The following PDE9A variants were observed in gnomAD, a reference collection of about 807,000 sequenced individuals.
PDE9A encodes the protein high affinity cGMP-specific 3',5'-cyclic phosphodiesterase 9A.
PDE9A carries 60 observed loss-of-function variants against 87.4 expected under a neutral mutation model. The observed-to-expected ratio is 0.69, with a 90% confidence interval of 0.56 to 0.85. The LOEUF is 0.85. Among genes scored for constraint, PDE9A ranks in the 40% least tolerant of loss-of-function variants. PDE9A has a pLI of 0.00. For synonymous variants in PDE9A, 272 were observed against 279.4 expected, an observed-to-expected ratio of 0.97 and a Z score of 0.27; for missense variants, 665 against 779.0, an observed-to-expected ratio of 0.85 and a Z score of 1.74.
intron 4 of PDE9A, among the ~76,000 whole-genome samples, chr21:42,714,492 T>C (rs1019847520): frequency 2.0e-5 from 3 of 151,932 alleles, no homozygotes; most frequent in African/African-American, 7.3e-5. Flanking sequence ...TTCATATGGT[T>C]GGGGTTAGCT....
At chr21:42,686,722 G>A (rs2146182407) in intron 2 of PDE9A, among the ~76,000 whole-genome samples, 1 of 152,326 alleles carries the variant, frequency 6.6e-6, no homozygotes, top group East Asian at 1.9e-4. Flanking sequence ...GGCTGAGGCA[G>A]GAGAATGGCT....
intron 7 of PDE9A, among the ~76,000 whole-genome samples, chr21:42,735,260 C>T (rs1488302489): frequency 1.3e-5 from 2 of 152,216 alleles, no homozygotes; most frequent in Admixed American, 6.5e-5. Context: ...GGAGGCTCCA[C>T]AACCACTTAT....
intron 8 of PDE9A, among the ~76,000 whole-genome samples, chr21:42,746,232 T>A (rs1272085734): frequency 6.6e-6 from 1 of 152,162 alleles, no homozygotes; most frequent in Admixed American, 6.5e-5. Context: ...GCAGGTCAGG[T>A]TGAGGTTGCA....
At chr21:42,685,903 C>T (rs183869066) in intron 1 of PDE9A, among the ~76,000 whole-genome samples, 2 of 150,278 alleles carry the variant, frequency 1.3e-5, no homozygotes, top group East Asian at 3.9e-4. Context: ...TGGCCCCTTC[C>T]GAGGGATGCG....
chr21:42,670,008 A>G (rs2058302069), intron 1 of PDE9A, among the ~76,000 whole-genome samples: 2 of 152,136 alleles, frequency 1.3e-5, no homozygotes, highest in African/African-American at 4.8e-5. Context: ...CAACAGATGC[A>G]TGGCAATAAA....
chr21:42,714,031 T>TTTC (rs1217326073), intron 4 of PDE9A, among the ~76,000 whole-genome samples: 2 of 147,326 alleles, frequency 1.4e-5, no homozygotes, highest in Admixed American at 6.8e-5. Context: ...TTTTTTTTTT[T>TTTC]TTTTTGAGAT....
In PDE9A at chr21:42,727,398, A is replaced by G. The variant is rs2051239930; in HGVS notation, c.263-4372A>G. Reference sequence around the variant, plus strand: ...GAGTGCAGTGGCATGATCGTGGCTCACTACAGCCTCAACCTCCCAAGCTCA... The same window carrying G: ...GAGTGCAGTGGCATGATCGTGGCTCGCTACAGCCTCAACCTCCCAAGCTCA... On this transcript the variant is annotated intron_variant, in intron 4 of 19. Transcript: ENST00000291539. Among the ~76,000 whole-genome samples, 4 of 151,678 alleles carry G rather than the reference A, an allele frequency of 2.6e-5. No individual in the cohort carries two copies. In the South Asian group the frequency reaches 6.2e-4, roughly 24 times the overall value.
intron 4 of PDE9A, among the ~76,000 whole-genome samples, chr21:42,710,711 G>C (rs547756260): frequency 5.9e-5 from 9 of 152,328 alleles, no homozygotes; most frequent in Non-Finnish European, 1.2e-4. Flanking sequence ...GCTCAGGCCA[G>C]GTCCGGTGGC....
rs2048737928 is a variant in PDE9A at position 42,705,410 on chromosome 21, G to T, written c.262+6399G>T. Among the ~76,000 whole-genome samples, 1 of 152,150 alleles carries T rather than the reference G, an allele frequency of 6.6e-6. No homozygotes were observed. Among genetic ancestry groups the T allele is most frequent in the South Asian group, 2.1e-4 (1 of 4,822 alleles). On this transcript the variant is annotated intron_variant, in intron 4 of 19. Transcript: ENST00000291539. This position sits in a 1 kb window ranked among gnomAD's most constrained non-coding sequence, Gnocchi z 4.3. ...TATAAAACACAGATCTCAGCTGATGGCGGTTGACGGGTGTCCCCCGAGTGC... is the reference window on the plus strand; with the variant it reads ...TATAAAACACAGATCTCAGCTGATGTCGGTTGACGGGTGTCCCCCGAGTGC...
chr21:42,657,527 A>C (rs906448443), intron 1 of PDE9A, among the ~76,000 whole-genome samples: 2 of 152,172 alleles, frequency 1.3e-5, no homozygotes, highest in African/African-American at 4.8e-5. Context: ...CCCTGGCTGC[A>C]GCACCTGCTC....
At chr21:42,685,250 G>A (rs1213016788) in intron 1 of PDE9A, among the ~76,000 whole-genome samples, 1 of 152,210 alleles carries the variant, frequency 6.6e-6, no homozygotes, top group Non-Finnish European at 1.5e-5. Context: ...GGGACCCCTT[G>A]GACAGAAGAT....
Position 42,739,956 on chromosome 21 carries a change from C to T in PDE9A, c.569-3820C>T, listed in dbSNP as rs2052933132. Among the ~76,000 whole-genome samples, 1 of 152,078 alleles carries T rather than the reference C, an allele frequency of 6.6e-6. No homozygotes were observed. The highest frequency in any genetic ancestry group is 1.5e-5 in the Non-Finnish European group (1 of 68,032). On this transcript the variant is annotated intron_variant, in intron 7 of 19. Coordinates refer to ENST00000291539, the MANE Select transcript of PDE9A (RefSeq NM_002606.3). This position sits in a 1 kb window ranked among gnomAD's most constrained non-coding sequence, Gnocchi z 4.1. ...AAAACGTGAGCTGCGACAGCAGCCA[C>T]TAACATGGGGAAGGGCCGTGACCTC... is the stretch of plus-strand genomic sequence containing the variant.
chr21:42,676,064 C>A (rs1357633580), intron 1 of PDE9A, among the ~76,000 whole-genome samples: 2 of 152,134 alleles, frequency 1.3e-5, no homozygotes, highest in Non-Finnish European at 1.5e-5. Flanking sequence ...GGTGTGCACG[C>A]CTCCCTTCAT....
At position 42,699,001 on chromosome 21, in the gene PDE9A, GC is replaced by G; in HGVS notation, c.253del (p.Gln85AsnfsTer22). 6.2e-7 allele frequency: 1 copy of G among 1,611,454 alleles called. No homozygotes were observed. The highest frequency in any genetic ancestry group is 8.5e-7 in the Non-Finnish European group (1 of 1,177,568). On this transcript the variant is annotated frameshift_variant, in exon 4 of 20. Transcript: ENST00000291539. LOFTEE classifies it high-confidence loss of function. ...PYKVRPVAIK[Q>X]LSAGVEDKRT... Reference sequence around the variant, plus strand: ...ACAAAGTGAGACCTGTGGCCATCAAGCAACTCTCCGGTAAGGCCCTGCTGTC... The same window carrying G: ...ACAAAGTGAGACCTGTGGCCATCAAGAACTCTCCGGTAAGGCCCTGCTGTC...
chr21:42,726,857 C>G (rs543969933), intron 4 of PDE9A, among the ~76,000 whole-genome samples: 1 of 150,544 alleles, frequency 6.6e-6, no homozygotes, highest in African/African-American at 2.4e-5. Flanking sequence ...ATCAGTTGGG[C>G]GTATTTGTAT....
rs150197866 is a variant in PDE9A, at chr21:42,720,212, C to T, written c.263-11558C>T. Among the ~76,000 whole-genome samples the T allele has an allele frequency of 1.0e-3, 158 of 152,180 alleles. 2 individuals carry two copies. In the South Asian group the frequency reaches 0.016, roughly 15 times the overall value. On this transcript the variant is annotated intron_variant, in intron 4 of 19. Coordinates refer to ENST00000291539, the MANE Select transcript of PDE9A (RefSeq NM_002606.3). ...ACCCTCCCTTAGAAGTTTACCCCTCCGCCAGGCGCAGTGACTCACGCCTGT... is the reference window on the plus strand; with the variant it reads ...ACCCTCCCTTAGAAGTTTACCCCTCTGCCAGGCGCAGTGACTCACGCCTGT...
At chr21:42,664,156 G>A (rs1180067461) in intron 1 of PDE9A, among the ~76,000 whole-genome samples, 1 of 152,252 alleles carries the variant, frequency 6.6e-6, no homozygotes. Context: ...TGGGGGTTTA[G>A]TGACTCCAGC....
chr21:42,715,531 C>T (rs113616411), intron 4 of PDE9A, among the ~76,000 whole-genome samples: 5,608 of 151,630 alleles, frequency 0.037, 349 homozygotes, highest in African/African-American at 0.13. Flanking sequence ...GCAGGGGAAT[C>T]GCTTGAATCC....
chr21:42,769,498 CGCAGGT>C (rs1337363744), intron 17 of PDE9A, among the ~76,000 whole-genome samples: 12 of 10,738 alleles, frequency 1.1e-3, no homozygotes, highest in South Asian at 2.7e-3. Context: ...ACACAAGGCA[CGCAGGT>C]ACACATGCAC....
Sources: gnomAD v4.1 joint callset for allele counts (sites outside exome capture counted in the v4.1 genomes callset) on GRCh38, gnomAD v4.1.1 for gene constraint, Gnocchi (gnomAD v3.1) non-coding constraint, MANE v1.5 for transcripts, NCBI Gene and HGNC (gene_info 2026-07-23, HGNC 2026-07-21) for gene names.